Variants in STARD13 observed in about 807,000 individuals in gnomAD.
The protein encoded by STARD13 is stAR-related lipid transfer protein 13.
A neutral mutation model predicts 106.4 loss-of-function variants in STARD13; 62 were observed. That is an observed-to-expected ratio of 0.58 (90% CI 0.48 to 0.72). The LOEUF is 0.72. STARD13 is among the 30% of genes least tolerant of loss of function. The probability of loss-of-function intolerance (pLI) is 0.00; values close to 1 mark genes in which losing one functional copy is unlikely to be tolerated. For missense variants in STARD13, 1,387 were observed against 1,424.0 expected (o/e 0.97, Z 0.42); for synonymous variants, 565 against 553.0 (o/e 1.02, Z -0.31).
the STARD13 span, among the ~76,000 whole-genome samples, chr13:33,535,780 G>T: frequency 6.6e-6 from 1 of 152,160 alleles, no homozygotes; most frequent in Non-Finnish European, 1.5e-5. Context: ...AGGGAACTTT[G>T]CCCCCTTATT....
rs570195892 is a variant in STARD13, at chr13:33,267,523, G to A, written c.169+17947C>T. 1.2e-4 allele frequency among the ~76,000 whole-genome samples: 18 copies of A among 152,262 alleles called. No homozygotes were observed. The South Asian group carries it at 3.5e-3, about 30-fold the overall frequency. ...TTTAAGGTCCGCCCATCAAACTCTG[G>A]TGTGATATTGTATTTGAATGCGTTG... On this transcript the variant is annotated intron_variant, in intron 1 of 13. Transcript: ENST00000336934.
At chr13:33,214,119 T>C (rs901193167) in intron 1 of STARD13, among the ~76,000 whole-genome samples, 3 of 152,236 alleles carry the variant, frequency 2.0e-5, no homozygotes, top group Admixed American at 6.5e-5. Flanking sequence ...ATTCTAAAAA[T>C]CTAGCATCTC....
the STARD13 span, among the ~76,000 whole-genome samples, chr13:33,487,076 C>T: frequency 4.6e-5 from 7 of 152,180 alleles, no homozygotes; most frequent in Non-Finnish European, 8.8e-5. Context: ...CACTCCCAAG[C>T]TCTATGACCT....
the STARD13 span, among the ~76,000 whole-genome samples, chr13:33,371,597 C>T: frequency 6.6e-6 from 1 of 152,232 alleles, no homozygotes; most frequent in Non-Finnish European, 1.5e-5. Flanking sequence ...AACGACACTG[C>T]ACGGAGTTCC....
intron 1 of STARD13, among the ~76,000 whole-genome samples, chr13:33,324,017 C>G (rs1264571086): frequency 6.6e-6 from 1 of 152,190 alleles, no homozygotes; most frequent in East Asian, 1.9e-4. Context: ...TATTCTGCAA[C>G]AGCTGAAATA....
chr13:33,414,314 A>G, the STARD13 span, among the ~76,000 whole-genome samples: 20 of 152,310 alleles, frequency 1.3e-4, no homozygotes, highest in African/African-American at 4.8e-4. Context: ...TCACACAGAA[A>G]AACTTAGGTT....
chr13:33,384,490 T>C, the STARD13 span, among the ~76,000 whole-genome samples: 1 of 152,182 alleles, frequency 6.6e-6, no homozygotes, highest in Admixed American at 6.5e-5. Flanking sequence ...TTGAATCACG[T>C]CATTTAATAT....
At chr13:33,111,950 C>A in intron 9 of STARD13, 58 bp from the exon 10 acceptor site, 1 of 1,047,200 alleles carries the variant, frequency 9.5e-7, no homozygotes, top group Non-Finnish European at 1.5e-6. Context: ...TGTCACAATA[C>A]CAAACTCATC....
At chr13:33,557,441 T>G in the STARD13 span, among the ~76,000 whole-genome samples, 1 of 152,216 alleles carries the variant, frequency 6.6e-6, no homozygotes, top group Non-Finnish European at 1.5e-5. Flanking sequence ...TTTAAAAATC[T>G]TGCAGCCATT....
intron 1 of STARD13, chr13:33,186,150 T>C (rs1885750830): frequency 2.8e-6 from 3 of 1,073,020 alleles, no homozygotes; most frequent in Admixed American, 5.7e-5. Flanking sequence ...ATTCCAAGCC[T>C]CCACACTTCC....
the STARD13 span, among the ~76,000 whole-genome samples, chr13:33,426,131 G>A: frequency 6.6e-6 from 1 of 152,038 alleles, no homozygotes; most frequent in African/African-American, 2.4e-5. Flanking sequence ...TGTGGCCTAT[G>A]GAAGAAAATT....
intron 1 of STARD13, chr13:33,277,883 A>G (rs1296349591): frequency 6.6e-6 from 1 of 152,180 alleles, no homozygotes; most frequent in Non-Finnish European, 1.5e-5. Context: ...TAATTTTCAT[A>G]AAAAGATGGT....
At chr13:33,144,901 G>A (rs1270102989) in intron 3 of STARD13, among the ~76,000 whole-genome samples, 1 of 152,086 alleles carries the variant, frequency 6.6e-6, no homozygotes, top group South Asian at 2.1e-4. Flanking sequence ...TTTGATCTAC[G>A]ACACACACAC....
At chr13:33,544,190 A>T in the STARD13 span, among the ~76,000 whole-genome samples, 1 of 152,252 alleles carries the variant, frequency 6.6e-6, no homozygotes, top group African/African-American at 2.4e-5. Flanking sequence ...GGAAGATGCC[A>T]GGTTTTTTTC....
At chr13:33,366,035 T>TA in the STARD13 span, among the ~76,000 whole-genome samples, 2 of 152,058 alleles carry the variant, frequency 1.3e-5, no homozygotes. The surrounding 1 kb of genome is among the most constrained non-coding windows in gnomAD (Gnocchi z 4.2). Flanking sequence ...TAATGCCAGT[T>TA]AGAGACTTTT....
the STARD13 span, among the ~76,000 whole-genome samples, chr13:33,494,925 AG>A: frequency 5.3e-5 from 8 of 152,246 alleles, no homozygotes; most frequent in East Asian, 1.5e-3. Flanking sequence ...CGCCCCCAAA[AG>A]ACTCTACTTA....
At chr13:33,619,907 T>TA in the STARD13 span, among the ~76,000 whole-genome samples, 2 of 151,804 alleles carry the variant, frequency 1.3e-5, no homozygotes, top group Admixed American at 6.6e-5. Flanking sequence ...TACTAAAAAA[T>TA]AAAAAAATTA....
chr13:33,649,887 T>C, the STARD13 span, among the ~76,000 whole-genome samples: 4 of 152,122 alleles, frequency 2.6e-5, no homozygotes, highest in Non-Finnish European at 5.9e-5. Flanking sequence ...TAATAAAAAA[T>C]AAAAATTAAT....
intron 1 of STARD13, among the ~76,000 whole-genome samples, chr13:33,292,929 A>T (rs1404133236): frequency 1.3e-5 from 2 of 151,588 alleles, no homozygotes; most frequent in Non-Finnish European, 2.9e-5. Flanking sequence ...GTCCTGCACA[A>T]TCTAGTCCCT....
Sources: allele counts gnomAD v4.1 joint callset (sites outside exome capture counted in the v4.1 genomes callset), GRCh38; gene constraint gnomAD v4.1.1; non-coding constraint Gnocchi (gnomAD v3.1); transcripts MANE v1.5; gene names NCBI Gene and HGNC (gene_info 2026-07-23, HGNC 2026-07-21).